The following CCDC125 variants were observed in gnomAD, a reference collection of about 807,000 sequenced individuals.
CCDC125 encodes coiled-coil domain containing 125, also known as coiled-coil domain-containing protein 125.
Under a neutral mutation model 57.4 loss-of-function variants are expected in CCDC125, and 43 were observed. That is an observed-to-expected ratio of 0.75 (90% CI 0.59 to 0.97). The LOEUF (loss-of-function observed/expected upper bound fraction) is 0.97, where lower values mean the gene tolerates loss of function less well. Ranked by LOEUF, CCDC125 falls within the 50% of genes least tolerant of loss-of-function variation. The pLI, the probability that CCDC125 is intolerant of heterozygous loss-of-function variation, is 0.00. For synonymous variants in CCDC125, 187 were observed against 195.2 expected (o/e 0.96, Z 0.35); for missense variants, 563 against 595.7 (o/e 0.95, Z 0.57).
chr5:69,285,138 A>AATAC (rs2150295250), intron 11 of CCDC125, among the ~76,000 whole-genome samples, 199 bp downstream of exon 11: 1 of 152,208 alleles, frequency 6.6e-6, no homozygotes, highest in Admixed American at 6.5e-5. Flanking sequence ...AAAACAAAAA[A>AATAC]ATACACTAAC....
rs1752578517 is a variant in CCDC125 at position 69,282,525 on chromosome 5, C to T, written c.*204G>A. On this transcript the variant is annotated 3_prime_UTR_variant, in exon 12 of 12. Transcript: ENST00000396496. ...GCAGTGAACCGAGATCACACCACTG[C>T]ACTCCAACCTGGGTGACAGAGCAAG... 6.0e-6 allele frequency: 3 copies of T among 499,470 alleles called. No individual in the cohort carries two copies. Among genetic ancestry groups the T allele is most frequent in the Non-Finnish European group, 6.9e-6 (2 of 288,288 alleles). The allele number at this position is 499,470 out of a possible 1,614,324, so 30.9% of individuals were successfully genotyped here. A position where few individuals can be genotyped will look rare whatever the true frequency, so the allele number is the denominator to read the frequency against.
intron 7 of CCDC125, among the ~76,000 whole-genome samples, 170 bp from the exon 8 acceptor site, chr5:69,300,297 A>G (rs2150412396): frequency 6.6e-6 from 1 of 152,330 alleles, no homozygotes. Context: ...ACGTAAGATC[A>G]TATATATGTA....
intron 1 of CCDC125, among the ~76,000 whole-genome samples, chr5:69,327,150 C>T (rs1005672711): frequency 6.6e-6 from 1 of 150,480 alleles, no homozygotes; most frequent in African/African-American, 2.4e-5. Context: ...GCTGGAGTGC[C>T]CTGGCGAGAT....
chr5:69,279,417 CT>C (rs563473458), downstream of CCDC125, among the ~76,000 whole-genome samples: 104 of 152,258 alleles, frequency 6.8e-4, no homozygotes, highest in African/African-American at 2.5e-3. Context: ...AGGATGGTCT[CT>C]ATCTCCTGAC....
In CCDC125 at chr5:69,320,396, T is replaced by C. The variant is rs1438844359; in HGVS notation, c.145A>G (p.Arg49Gly). ...IYEIEFSHRS[R>G]KRSDGKNFSP... is the part of the protein sequence containing the mutation. ...AAGTTCTTTCCATCTGATCTTTTTC[T>C]AGACCTATGTGAAAATTCTATTTCA... The change falls in exon 2 of 12, where the codon AGA becomes GGA. Residue 49 changes from arginine to glycine, a missense_variant. Coordinates refer to ENST00000396496, the MANE Select transcript of CCDC125 (RefSeq NM_176816.5). 3.1e-6 allele frequency: 5 copies of C among 1,614,190 alleles called. No homozygotes were observed. The highest frequency in any genetic ancestry group is 3.4e-6 in the Non-Finnish European group (4 of 1,180,012).
At chr5:69,294,723 AC>A in intron 9 of CCDC125, 69 bp downstream of exon 9, 1 of 1,162,942 alleles carries the variant, frequency 8.6e-7, no homozygotes, top group Non-Finnish European at 1.3e-6. Context: ...ATTATTGCAA[AC>A]ATTTCCATTT....
At chr5:69,322,570 A>AT (rs970465587) in intron 1 of CCDC125, among the ~76,000 whole-genome samples, 17 of 145,906 alleles carry the variant, frequency 1.2e-4, no homozygotes, top group Middle Eastern at 3.6e-3. Flanking sequence ...CAAAAAAAAA[A>AT]TTTTTTTTTT....
intron 10 of CCDC125, among the ~76,000 whole-genome samples, chr5:69,291,247 GA>G (rs1324313591): frequency 2.0e-5 from 3 of 152,038 alleles, no homozygotes; most frequent in African/African-American, 7.2e-5. Context: ...ACTACTTAGA[GA>G]AACAGATTTC....
chr5:69,327,715 T>C (rs942987215), intron 1 of CCDC125, among the ~76,000 whole-genome samples: 1 of 152,210 alleles, frequency 6.6e-6, no homozygotes, highest in Non-Finnish European at 1.5e-5. Flanking sequence ...TGGGACATTT[T>C]TGGGCACCAC....
chr5:69,332,496 TG>T (rs1337800206), intron 1 of CCDC125, among the ~76,000 whole-genome samples, 152 bp downstream of exon 1: 1 of 152,210 alleles, frequency 6.6e-6, no homozygotes, highest in African/African-American at 2.4e-5. Context: ...ATAGGGTCTC[TG>T]AAATCTATTT....
chr5:69,309,574 G>A (rs1757837511), intron 4 of CCDC125: 1 of 152,284 alleles, frequency 6.6e-6, no homozygotes, highest in African/African-American at 2.4e-5. Context: ...CCAGGCAGAA[G>A]TTTCCTGCAG....
At chr5:69,288,453 A>T (rs747191662) in intron 10 of CCDC125, among the ~76,000 whole-genome samples, 1 of 152,134 alleles carries the variant, frequency 6.6e-6, no homozygotes, top group Non-Finnish European at 1.5e-5. Flanking sequence ...TAAAAACCCA[A>T]AAGGGTCTGG....
chr5:69,308,758 A>C (rs1323863771), intron 4 of CCDC125: 1 of 160,722 alleles, frequency 6.2e-6, no homozygotes, highest in African/African-American at 2.4e-5. Flanking sequence ...GACAGTTTGG[A>C]GGGCTCAGAA....
At chr5:69,313,918 G>C (rs1478377211) in intron 3 of CCDC125, 67 bp downstream of exon 3, 1 of 1,134,680 alleles carries the variant, frequency 8.8e-7, no homozygotes, top group Non-Finnish European at 1.3e-6. Context: ...TGCAGAAGAC[G>C]AGAGCACTGC....
At chr5:69,303,534 T>C (rs1756860814) in intron 7 of CCDC125, among the ~76,000 whole-genome samples, 1 of 151,858 alleles carries the variant, frequency 6.6e-6, no homozygotes, top group South Asian at 2.1e-4. Flanking sequence ...CTCGCTAATT[T>C]TTGTATTTTT....
At position 69,308,000 on chromosome 5, in the gene CCDC125, G is replaced by A. The variant is rs115866581; in HGVS notation, c.482C>T (p.Thr161Met). ...MAILGKATSH[T>M]QAVLQKTMEQ... ...CATAGTTTTTTGAAGCACTGCCTGCGTATGACTTGTGGCTTTGCCCAGTAT... is the reference window on the plus strand; with the variant it reads ...CATAGTTTTTTGAAGCACTGCCTGCATATGACTTGTGGCTTTGCCCAGTAT... The change falls in exon 5 of 12, where the codon ACG becomes ATG. Residue 161 changes from threonine (T) to methionine (M), a missense_variant. Thr to Met is a moderately conservative substitution (Grantham distance 81). Transcript: ENST00000396496. 4.8e-5 allele frequency: 78 copies of A among 1,613,882 alleles called. No homozygotes were observed. In the African/African-American group the frequency reaches 6.4e-4, roughly 13 times the overall value.
intron 10 of CCDC125, among the ~76,000 whole-genome samples, chr5:69,286,218 AT>A (rs1753369179): frequency 7.3e-5 from 9 of 123,216 alleles, no homozygotes; most frequent in African/African-American, 2.7e-4. Context: ...ATATATATAT[AT>A]ATATATATAT....
downstream of CCDC125, among the ~76,000 whole-genome samples, chr5:69,279,633 G>C (rs1752373079): frequency 6.6e-6 from 1 of 152,278 alleles, no homozygotes. Flanking sequence ...CAGGACAGCA[G>C]CAGTGCATCA....
At chr5:69,310,937 T>C (rs1472872607) in intron 4 of CCDC125, 181 bp downstream of exon 4, 6 of 376,008 alleles carry the variant, frequency 1.6e-5, no homozygotes, top group Middle Eastern at 7.7e-4. Context: ...TAAAAATGAA[T>C]TGTAGTGTAC....
Sources: allele counts gnomAD v4.1 joint callset (sites outside exome capture counted in the v4.1 genomes callset), GRCh38; gene constraint gnomAD v4.1.1; transcripts MANE v1.5; gene names NCBI Gene and HGNC (gene_info 2026-07-23, HGNC 2026-07-21).